LCK: variants seen among roughly 807,000 people sequenced by gnomAD.
LCK encodes LCK proto-oncogene, Src family tyrosine kinase.
In LCK, 14 loss-of-function variants were observed where a neutral mutation model predicts 64.6. The ratio of observed to expected loss-of-function variants is 0.22; its 90% CI spans 0.14 to 0.34. The LOEUF (loss-of-function observed/expected upper bound fraction) is 0.34, where lower values mean the gene tolerates loss of function less well. LCK is among the 10% of genes least tolerant of loss of function. The pLI, the probability that LCK is intolerant of heterozygous loss-of-function variation, is 1.00. For synonymous variants in LCK, 277 were observed against 263.6 expected, an observed-to-expected ratio of 1.05 and a Z score of -0.49; for missense variants, 434 against 668.1, an observed-to-expected ratio of 0.65 and a Z score of 3.86.
chr1:32,268,379 C>T (rs968609059), intron 1 of LCK, among the ~76,000 whole-genome samples: 55 of 151,748 alleles, frequency 3.6e-4, no homozygotes, highest in African/African-American at 1.2e-3. Context: ...GTGGTGCAAT[C>T]GTAGCTCACT....
At chr1:32,271,205 G>A (rs909144370) in intron 1 of LCK, among the ~76,000 whole-genome samples, 4 of 151,712 alleles carry the variant, frequency 2.6e-5, no homozygotes, top group Non-Finnish European at 5.9e-5. Context: ...GTCTCACTAT[G>A]TTGCCCAGGC....
At chr1:32,283,207 T>C (rs1450953510) in intron 12 of LCK, among the ~76,000 whole-genome samples, 1 of 149,824 alleles carries the variant, frequency 6.7e-6, no homozygotes, top group Non-Finnish European at 1.5e-5. Flanking sequence ...GGGAATCATT[T>C]GAACCTGGGA....
rs763859930 is a variant in LCK, at chr1:32,276,114, AGTCCCCCTCAGGT to A, written c.631+59_631+71del. On this transcript the variant is annotated intron_variant, in intron 7 of 12. Transcript: ENST00000336890. This position sits in a 1 kb window ranked among gnomAD's most constrained non-coding sequence, Gnocchi z 4.6. ...GTGCCCTATCAGCCTATCTCCCCTC[AGTCCCCCTCAGGT>A]GTCCCCCATCCATCTTTCAATGCCC... The A allele has an allele frequency of 6.3e-7, 1 of 1,594,524 alleles. No individual in the cohort carries two copies. The highest frequency in any genetic ancestry group is 8.6e-7 in the Non-Finnish European group (1 of 1,165,806).
intron 12 of LCK, 21 bp downstream of exon 12, chr1:32,280,231 C>A: frequency 6.2e-7 from 1 of 1,613,636 alleles, no homozygotes; most frequent in Non-Finnish European, 8.5e-7. Flanking sequence ...AGGGCAGGAA[C>A]TGAAAGGGTG....
rs528967735 is a variant in LCK, at chr1:32,274,802, G to A, written c.171G>A (p.Pro57=). 1.9e-4 allele frequency: 303 copies of A among 1,613,778 alleles called. 4 individuals are homozygous for A. The South Asian group carries it at 3.2e-3, about 17-fold the overall frequency. ...PLVTYEGSNP[P]ASPLQDNLVI... ...TTACCTACGAAGGCTCCAATCCGCC[G>A]GCTTCCCCACTGCAAGGTGACCCCA... The change falls in exon 3 of 13, where the codon CCG becomes CCA. Residue 57 remains proline (P), a synonymous_variant. Coordinates refer to ENST00000336890, the MANE Select transcript of LCK (RefSeq NM_005356.5).
At chr1:32,280,906 T>C (rs1297092309) in intron 12 of LCK, among the ~76,000 whole-genome samples, 1 of 152,216 alleles carries the variant, frequency 6.6e-6, no homozygotes. Flanking sequence ...CTAGTGAAGC[T>C]AGTCACTTCA....
chr1:32,260,379 C>T (rs560502376), intron 1 of LCK, among the ~76,000 whole-genome samples: 1 of 152,220 alleles, frequency 6.6e-6, no homozygotes, highest in African/African-American at 2.4e-5. Flanking sequence ...CTTCTGAGCT[C>T]AAGTGATTTT....
chr1:32,285,986 C>A lies in LCK; in HGVS notation c.*270C>A. ...CTGGCTCTCCCATTTCCTGAGACCA[C>A]AGAGAGAGGGGAGAAGCCTGGGATT... On this transcript the variant is annotated 3_prime_UTR_variant, in exon 13 of 13. Coordinates refer to ENST00000336890, the MANE Select transcript of LCK (RefSeq NM_005356.5). 1 of 486,212 alleles carries A rather than the reference C, an allele frequency of 2.1e-6. No individual in the cohort carries two copies. 30.1% of individuals were successfully genotyped at this position (486,212 alleles called of 1,614,324 possible). A position where few individuals can be genotyped will look rare whatever the true frequency, so the allele number is the denominator to read the frequency against.
chr1:32,284,280 T>G (rs992648526), intron 12 of LCK, among the ~76,000 whole-genome samples: 10 of 146,830 alleles, frequency 6.8e-5, no homozygotes, highest in Non-Finnish European at 1.1e-4. Context: ...ATCTGTGAGA[T>G]ATATATATCT....
chr1:32,273,250 AGT>A (rs1258367154), intron 1 of LCK, among the ~76,000 whole-genome samples: 1 of 116,940 alleles, frequency 8.6e-6, no homozygotes, highest in Non-Finnish European at 1.8e-5. Flanking sequence ...TCTGTGTGTG[AGT>A]GTGTGGGGGA....
intron 1 of LCK, among the ~76,000 whole-genome samples, chr1:32,259,648 AATG>A (rs1038125065): frequency 5.3e-5 from 8 of 151,124 alleles, no homozygotes; most frequent in Non-Finnish European, 1.0e-4. Flanking sequence ...TAATAATAAT[AATG>A]ATAATAATAA....
At chr1:32,272,993 CGT>C (rs955071986) in intron 1 of LCK, among the ~76,000 whole-genome samples, 14 of 118,098 alleles carry the variant, frequency 1.2e-4, no homozygotes, top group Admixed American at 5.1e-4. Context: ...GGGGTGAATG[CGT>C]GTGTGTGTGT....
At chr1:32,284,067 C>A (rs948626120) in intron 12 of LCK, among the ~76,000 whole-genome samples, 1 of 151,402 alleles carries the variant, frequency 6.6e-6, no homozygotes, top group Non-Finnish European at 1.5e-5. Flanking sequence ...TTTTTTAGTA[C>A]AGACAGGTTT....
At chr1:32,260,345 T>C (rs1002629062) in intron 1 of LCK, among the ~76,000 whole-genome samples, 2 of 152,114 alleles carry the variant, frequency 1.3e-5, no homozygotes, top group Non-Finnish European at 2.9e-5. Context: ...AAAGTCTCAC[T>C]ATGTTGCCCA....
At chr1:32,257,154 G>A (rs867509003) in intron 1 of LCK, among the ~76,000 whole-genome samples, 6 of 151,592 alleles carry the variant, frequency 4.0e-5, no homozygotes, top group African/African-American at 1.5e-4. Context: ...TCTTATTTTT[G>A]TCATCATTTT....
rs923301947 is a variant in LCK, at chr1:32,280,198, A to G, written c.1315A>G (p.Ile439Val). 1.2e-6 allele frequency: 2 copies of G among 1,614,086 alleles called. No homozygotes were observed. The highest frequency in any genetic ancestry group is 1.7e-6 in the Non-Finnish European group (2 of 1,180,012). ...LLTEIVTHGR[I>V]PYPGMTNPEV... ...GACGGAAATTGTCACCCACGGCCGCATCCCTTACCCAGGTTAGAGCCAAGG... is the reference window on the plus strand; with the variant it reads ...GACGGAAATTGTCACCCACGGCCGCGTCCCTTACCCAGGTTAGAGCCAAGG... Residue 439 changes from isoleucine (I) to valine (V), a missense_variant, in exon 12 of 13, where the codon ATC becomes GTC. Ile to Val is a conservative substitution (Grantham distance 29). Transcript: ENST00000336890.
At chr1:32,280,762 T>C (rs2124371947) in intron 12 of LCK, among the ~76,000 whole-genome samples, 1 of 152,260 alleles carries the variant, frequency 6.6e-6, no homozygotes, top group African/African-American at 2.4e-5. Flanking sequence ...CCCAGCTCTT[T>C]TCTTTAGTTC....
intron 1 of LCK, among the ~76,000 whole-genome samples, chr1:32,271,444 A>T (rs1268325085): frequency 6.6e-6 from 1 of 152,156 alleles, no homozygotes; most frequent in Non-Finnish European, 1.5e-5. Flanking sequence ...TGGGAGGCCA[A>T]GAAGGAAGGA....
At chr1:32,255,959 T>C (rs1297733193) in intron 1 of LCK, among the ~76,000 whole-genome samples, 1 of 151,912 alleles carries the variant, frequency 6.6e-6, no homozygotes, top group Admixed American at 6.6e-5. Context: ...TGTACCACCA[T>C]GCCCAGCTAA....
Sources: allele counts gnomAD v4.1 joint callset (sites outside exome capture counted in the v4.1 genomes callset), GRCh38; gene constraint gnomAD v4.1.1; non-coding constraint Gnocchi (gnomAD v3.1); transcripts MANE v1.5; gene names NCBI Gene and HGNC (gene_info 2026-07-23, HGNC 2026-07-21).